Variants in KANK1 observed in about 807,000 individuals in gnomAD.
The protein encoded by KANK1 is KN motif and ankyrin repeat domains 1, also known as KN motif and ankyrin repeat domain-containing protein 1.
In KANK1, 109 loss-of-function variants were observed where a neutral mutation model predicts 106.2. The ratio of observed to expected loss-of-function variants is 1.03; its 90% CI spans 0.88 to 1.20. The LOEUF is 1.20. Ranked by LOEUF, KANK1 falls within the 50% of genes most tolerant of loss-of-function variation. KANK1 has a pLI of 0.00. For synonymous variants in KANK1, 873 were observed against 652.2 expected (o/e 1.34, Z -5.16); for missense variants, 2,399 against 1,710.7 (o/e 1.40, Z -7.10).
chr9:532,507 C>T (rs2133574124), intron 1 of KANK1, among the ~76,000 whole-genome samples: 1 of 151,712 alleles, frequency 6.6e-6, no homozygotes, highest in Non-Finnish European at 1.5e-5. Context: ...AGAAACTCTG[C>T]ACCCATTCAA....
intron 2 of KANK1, among the ~76,000 whole-genome samples, chr9:704,106 C>T (rs565208481): frequency 3.3e-5 from 5 of 152,186 alleles, no homozygotes; most frequent in Admixed American, 2.6e-4. Context: ...GCGTCTTTCT[C>T]CTTTTTAAGA....
intron 1 of KANK1, among the ~76,000 whole-genome samples, chr9:607,503 A>T (rs1829521124): frequency 6.6e-6 from 1 of 151,110 alleles, no homozygotes; most frequent in Non-Finnish European, 1.5e-5. Context: ...AAAAAAAAAA[A>T]AAAAGGAGAT....
intron 1 of KANK1, among the ~76,000 whole-genome samples, chr9:596,046 TATACACCTTATATACAAAGA>T (rs1826124378): frequency 6.6e-6 from 1 of 151,860 alleles, no homozygotes; most frequent in Non-Finnish European, 1.5e-5. Flanking sequence ...TTATGTTTCA[TATACACCTTATATACAAAGA>T]CTGAAGGTAA....
chr9:638,557 C>G (rs1189984567), intron 1 of KANK1, among the ~76,000 whole-genome samples: 2 of 152,184 alleles, frequency 1.3e-5, no homozygotes, highest in East Asian at 1.9e-4. Context: ...AGCACCAGCT[C>G]TGTAAAGTGC....
At chr9:520,993 A>G (rs56154118) in intron 1 of KANK1, among the ~76,000 whole-genome samples, 2,477 of 151,892 alleles carry the variant, frequency 0.016, 157 homozygotes, top group African/African-American at 0.057. Context: ...AGAGAAGGGT[A>G]GAGATGGGGC....
intron 3 of KANK1, among the ~76,000 whole-genome samples, chr9:480,517 C>A (rs1303515913): frequency 6.6e-6 from 1 of 152,230 alleles, no homozygotes. Flanking sequence ...AGGCTTATAT[C>A]ATCCTGTGAT....
At chr9:662,215 T>C (rs1012141903) in intron 1 of KANK1, among the ~76,000 whole-genome samples, 6 of 152,152 alleles carry the variant, frequency 3.9e-5, no homozygotes, top group African/African-American at 1.4e-4. Flanking sequence ...TGCTTATGAA[T>C]AGGAAGAATC....
rs935397805 is a variant in KANK1, at chr9:711,959, G to A, written c.1193G>A (p.Cys398Tyr). The A allele has an allele frequency of 3.1e-6, 5 of 1,614,104 alleles. No homozygotes were observed. Among genetic ancestry groups the A allele is most frequent in the Non-Finnish European group, 1.7e-6 (2 of 1,180,046 alleles). ...ASSELRENGE[C>Y]RSVAVGAEEN... The stretch of plus-strand genomic sequence containing the variant: ...TCAGAGCTCAGGGAGAATGGAGAGT[G>A]CCGGTCTGTGGCTGTGGGTGCCGAG... The change falls in exon 3 of 12, where the codon TGC becomes TAC. Residue 398 changes from cysteine (C) to tyrosine (Y), a missense_variant. By Grantham distance (194) the Cys-to-Tyr change is radical (BLOSUM62 -2). Coordinates refer to ENST00000382297, the MANE Select transcript of KANK1 (RefSeq NM_015158.5).
At chr9:634,823 T>C (rs1311542955) in intron 1 of KANK1, among the ~76,000 whole-genome samples, 1 of 152,222 alleles carries the variant, frequency 6.6e-6, no homozygotes, top group Non-Finnish European at 1.5e-5. Context: ...CTTTCAGATT[T>C]AGTGGCCCAC....
chr9:616,296 T>G (rs1831810731), intron 1 of KANK1, among the ~76,000 whole-genome samples: 1 of 152,202 alleles, frequency 6.6e-6, no homozygotes, highest in South Asian at 2.1e-4. Flanking sequence ...CCTCAGCATT[T>G]AGGTGATACT....
intron 2 of KANK1, chr9:707,107 G>C: frequency 1.0e-6 from 1 of 985,454 alleles, no homozygotes; most frequent in Non-Finnish European, 1.2e-6. Flanking sequence ...GCATCCGAGC[G>C]TGGCCGGCCA....
chr9:730,015 G>C, intron 3 of KANK1, 36 bp from the exon 4 acceptor site: 1 of 1,574,990 alleles, frequency 6.3e-7, no homozygotes, highest in South Asian at 1.1e-5. Flanking sequence ...TTCAGTCCTA[G>C]CATCACACAC....
chr9:511,117 A>C (rs1007361565), intron 1 of KANK1, among the ~76,000 whole-genome samples: 4 of 152,224 alleles, frequency 2.6e-5, no homozygotes, highest in South Asian at 2.1e-4. Flanking sequence ...CTGGAAAGGA[A>C]AGGGATGGAG....
At chr9:509,879 C>A (rs755565260) in intron 1 of KANK1, among the ~76,000 whole-genome samples, 3 of 152,102 alleles carry the variant, frequency 2.0e-5, no homozygotes, top group Non-Finnish European at 2.9e-5. Context: ...TCGCTGTAAC[C>A]GTGAACTGCT....
rs964662724 is a variant in KANK1 at position 665,268 on chromosome 9, A to C, written c.-83-11622A>C. ...GACCAATGTCCTGGAGCATTTCCCC[A>C]ATGTTTTCTTTTATTAGTTTTATAA... is the stretch of plus-strand genomic sequence containing the variant. On this transcript the variant is annotated intron_variant, in intron 1 of 11. Coordinates refer to ENST00000382297, the MANE Select transcript of KANK1 (RefSeq NM_015158.5). Among the ~76,000 whole-genome samples, 37 of 152,038 alleles carry C rather than the reference A, an allele frequency of 2.4e-4. 2 individuals carry two copies. Among genetic ancestry groups the C allele is most frequent in the African/African-American group, 8.9e-4 (37 of 41,382 alleles).
chr9:500,660 C>T (rs1011886849), upstream of KANK1, among the ~76,000 whole-genome samples: 11 of 152,130 alleles, frequency 7.2e-5, no homozygotes, highest in South Asian at 2.1e-4. Flanking sequence ...TATCAGAAAA[C>T]GAAAAGGCAA....
At chr9:698,446 C>T (rs996801861) in intron 2 of KANK1, among the ~76,000 whole-genome samples, 3 of 152,156 alleles carry the variant, frequency 2.0e-5, no homozygotes, top group Non-Finnish European at 4.4e-5. Context: ...CATCACTTTT[C>T]TCTGCGGTGA....
intron 1 of KANK1, among the ~76,000 whole-genome samples, chr9:516,087 T>C (rs2059266147): frequency 6.6e-6 from 1 of 151,680 alleles, no homozygotes; most frequent in South Asian, 2.1e-4. Context: ...TATTGGTGTA[T>C]TGCTGATCAG....
At chr9:743,940 G>A (rs889892547) in intron 10 of KANK1, among the ~76,000 whole-genome samples, 2 of 152,144 alleles carry the variant, frequency 1.3e-5, no homozygotes, top group East Asian at 1.9e-4. Flanking sequence ...GAAATTTAAT[G>A]GAAATCAAGC....
Sources: allele counts gnomAD v4.1 joint callset (sites outside exome capture counted in the v4.1 genomes callset), GRCh38; gene constraint gnomAD v4.1.1; transcripts MANE v1.5; gene names NCBI Gene and HGNC (gene_info 2026-07-23, HGNC 2026-07-21).